Variants in NFS1 observed in about 807,000 individuals in gnomAD.
NFS1 encodes NFS1 cysteine desulfurase, also known as cysteine desulfurase.
Under a neutral mutation model 57.3 loss-of-function variants are expected in NFS1, and 26 were observed. The ratio of observed to expected loss-of-function variants is 0.45; its 90% CI spans 0.33 to 0.63. NFS1 has a LOEUF of 0.63. NFS1 is among the 20% of genes least tolerant of loss of function. The pLI is 0.02. For synonymous variants in NFS1, 209 were observed against 216.3 expected (o/e 0.97, Z 0.30); for missense variants, 505 against 605.8 (o/e 0.83, Z 1.75).
chr20:35,692,042 C>G (rs1481876765), intron 4 of NFS1, among the ~76,000 whole-genome samples: 1 of 151,758 alleles, frequency 6.6e-6, no homozygotes, highest in Non-Finnish European at 1.5e-5. Flanking sequence ...AAAAATTAGC[C>G]AGGCGTGGTA....
chr20:35,690,608 G>A lies in NFS1; in HGVS notation c.409-43C>T, dbSNP rs1431770690. The A allele has an allele frequency of 2.5e-6, 4 of 1,604,676 alleles. No homozygotes were observed. The Admixed American group carries it at 6.7e-5, about 27-fold the overall frequency. ...CAGATGGAAGGAGAACATACTCAGA[G>A]AGACAGCAATGACTTCAATCTCATT... On this transcript the variant is annotated intron_variant, in intron 4 of 12. Coordinates refer to ENST00000374092, the MANE Select transcript of NFS1 (RefSeq NM_021100.5).
intron 5 of NFS1, among the ~76,000 whole-genome samples, chr20:35,683,520 C>T (rs1443870266): frequency 1.4e-5 from 2 of 147,534 alleles, no homozygotes; most frequent in Non-Finnish European, 3.0e-5. Context: ...GTGGCTCACA[C>T]CTGTAATCCA....
intron 5 of NFS1, among the ~76,000 whole-genome samples, chr20:35,690,212 G>A (rs2035019260): frequency 1.3e-5 from 2 of 152,102 alleles, no homozygotes; most frequent in African/African-American, 4.8e-5. Context: ...AAAAGAAAAA[G>A]AAACAAGTCC....
rs2034610496 is a variant in NFS1 at position 35,669,076 on chromosome 20, A to C, written c.*546T>G. On this transcript the variant is annotated 3_prime_UTR_variant, in exon 13 of 13. Coordinates refer to ENST00000374092, the MANE Select transcript of NFS1 (RefSeq NM_021100.5). ...ACATATTTCTAGCTCCATTAGGTCA[A>C]AGGAAAGGAAAGAGGACAAGGGTAG... 6.6e-6 allele frequency: 1 copy of C among 152,260 alleles called. No individual in the cohort carries two copies. The highest frequency in any genetic ancestry group is 2.1e-4 in the South Asian group (1 of 4,838). 9.4% of individuals were successfully genotyped at this position (152,260 alleles called of 1,614,324 possible).
chr20:35,694,396 C>T (rs2035096116), intron 4 of NFS1, among the ~76,000 whole-genome samples: 1 of 152,104 alleles, frequency 6.6e-6, no homozygotes, highest in Non-Finnish European at 1.5e-5. Context: ...CTGCCGGTCT[C>T]AGCCTCCCAA....
At chr20:35,683,790 C>CAAAAA (rs151037025) in intron 5 of NFS1, among the ~76,000 whole-genome samples, 15 of 53,824 alleles carry the variant, frequency 2.8e-4, no homozygotes, top group South Asian at 6.7e-4. Flanking sequence ...GACTCCATCT[C>CAAAAA]AAAAAAAAAA....
At position 35,691,047 on chromosome 20, in the gene NFS1, T is replaced by G. The variant is rs568845214; in HGVS notation, c.409-482A>C. Reference sequence around the variant, plus strand: ...GGATGCTAATAATGGCAGAAGGCTGTGCATACCTGGGGGCAGGGCATATAT... The same window carrying G: ...GGATGCTAATAATGGCAGAAGGCTGGGCATACCTGGGGGCAGGGCATATAT... On this transcript the variant is annotated intron_variant, in intron 4 of 12. Coordinates refer to ENST00000374092, the MANE Select transcript of NFS1 (RefSeq NM_021100.5). Among the ~76,000 whole-genome samples the G allele has an allele frequency of 2.0e-5, 3 of 152,294 alleles. No individual in the cohort carries two copies. The East Asian group carries it at 5.8e-4, about 29-fold the overall frequency.
At chr20:35,688,719 AAGAC>A (rs966076369) in intron 5 of NFS1, among the ~76,000 whole-genome samples, 7 of 151,496 alleles carry the variant, frequency 4.6e-5, no homozygotes, top group African/African-American at 1.7e-4. Flanking sequence ...CAAAAAAAGA[AAGAC>A]AGAGGGAGAG....
At chr20:35,669,769 T>C (rs1364689522) in intron 12 of NFS1, 84 bp from the exon 13 acceptor site, 2 of 1,249,496 alleles carry the variant, frequency 1.6e-6, no homozygotes, top group Admixed American at 3.4e-5. Context: ...AGCAATGGCT[T>C]GCCTCCTTCT....
chr20:35,672,752 T>C lies in NFS1; in HGVS notation c.1310+3A>G, dbSNP rs1298367812. On this transcript the variant is annotated splice_donor_region_variant and intron_variant, in intron 12 of 12. Coordinates refer to ENST00000374092, the MANE Select transcript of NFS1 (RefSeq NM_021100.5). Reference sequence around the variant, plus strand: ...CAAAGCGTCTCTGATACAATATGTATACCTCATTTCTCGAAGACGCTTCAC... The same window carrying C: ...CAAAGCGTCTCTGATACAATATGTACACCTCATTTCTCGAAGACGCTTCAC... The C allele has an allele frequency of 6.3e-7, 1 of 1,587,614 alleles. No individual in the cohort carries two copies. The highest frequency in any genetic ancestry group is 2.2e-5 in the East Asian group (1 of 44,752).
At chr20:35,671,994 T>C (rs562301150) in intron 12 of NFS1, among the ~76,000 whole-genome samples, 1 of 152,164 alleles carries the variant, frequency 6.6e-6, no homozygotes, top group Non-Finnish European at 1.5e-5. Flanking sequence ...AGTCTCACTC[T>C]GTCACCCAGG....
intron 3 of NFS1, 67 bp from the exon 4 acceptor site, chr20:35,696,527 G>A: frequency 1.6e-6 from 2 of 1,232,868 alleles, no homozygotes; most frequent in Non-Finnish European, 2.4e-6. Context: ...GCAGACACAG[G>A]TGGGACAGCC....
chr20:35,681,315 G>A (rs879606799), intron 6 of NFS1, among the ~76,000 whole-genome samples: 12 of 152,110 alleles, frequency 7.9e-5, no homozygotes, highest in Non-Finnish European at 1.2e-4. Flanking sequence ...GGGGAGAATA[G>A]AGATGTTCTA....
chr20:35,692,454 C>G (rs2035060186), intron 4 of NFS1: 1 of 142,970 alleles, frequency 7.0e-6, no homozygotes, highest in Non-Finnish European at 1.5e-5. Context: ...AATCCCACCA[C>G]TTTGGGAGAC....
rs190492301 is a variant in NFS1, at chr20:35,669,031, A to T, written c.*591T>A. 1 of 152,338 alleles carries T rather than the reference A, an allele frequency of 6.6e-6. No individual in the cohort carries two copies. The highest frequency in any genetic ancestry group is 1.9e-4 in the East Asian group (1 of 5,192). 9.4% of individuals were successfully genotyped at this position (152,338 alleles called of 1,614,324 possible). On this transcript the variant is annotated 3_prime_UTR_variant, in exon 13 of 13. Coordinates refer to ENST00000374092, the MANE Select transcript of NFS1 (RefSeq NM_021100.5). ...AATTTTCAAGAAAACAAATTATTAGAATAACTGGTGGAGTCACAGACATAT... is the reference window on the plus strand; with the variant it reads ...AATTTTCAAGAAAACAAATTATTAGTATAACTGGTGGAGTCACAGACATAT...
At chr20:35,697,829 T>C in intron 2 of NFS1, 29 bp from the exon 3 acceptor site, 1 of 1,509,104 alleles carries the variant, frequency 6.6e-7, no homozygotes, top group Non-Finnish European at 9.1e-7. Flanking sequence ...ATCATTTTCC[T>C]TGAGCGCATC....
Position 35,674,075 on chromosome 20 carries a change from G to A in NFS1, c.1136+275C>T, listed in dbSNP as rs548509478. 9.3e-4 allele frequency: 450 copies of A among 484,780 alleles called. 3 individuals carry two copies. The highest frequency in any genetic ancestry group is 1.2e-3 in the Non-Finnish European group (312 of 267,050). The allele number at this position is 484,780 out of a possible 1,614,324, so 30.0% of individuals were successfully genotyped here. A position where few individuals can be genotyped will look rare whatever the true frequency, so the allele number is the denominator to read the frequency against. The stretch of plus-strand genomic sequence containing the variant: ...GGAGCATCTTCAATTCTAGAGGCCT[G>A]TAACAGAACTGCTAGTGTAACCCAC... On this transcript the variant is annotated intron_variant, in intron 10 of 12. Coordinates refer to ENST00000374092, the MANE Select transcript of NFS1 (RefSeq NM_021100.5).
chr20:35,675,219 G>A lies in NFS1; in HGVS notation c.791-17C>T, dbSNP rs752058557. 1.9e-6 allele frequency: 3 copies of A among 1,573,188 alleles called. No homozygotes were observed. Among genetic ancestry groups the A allele is most frequent in the South Asian group, 2.3e-5 (2 of 86,988 alleles). ...CACCAACCCCTGGGAAACAAAATTTGTTACAAAAAACAGAAAGAGAGAAAA... is the reference window on the plus strand; with the variant it reads ...CACCAACCCCTGGGAAACAAAATTTATTACAAAAAACAGAAAGAGAGAAAA... On this transcript the variant is annotated splice_polypyrimidine_tract_variant and intron_variant, in intron 7 of 12. Coordinates refer to ENST00000374092, the MANE Select transcript of NFS1 (RefSeq NM_021100.5).
intron 2 of NFS1, 132 bp downstream of exon 2, chr20:35,698,349 G>A: frequency 1.4e-6 from 1 of 700,370 alleles, no homozygotes; most frequent in Non-Finnish European, 2.4e-6. Flanking sequence ...TAAGCCTCCC[G>A]ACTCCTCGCT....
Sources: gnomAD v4.1 joint callset for allele counts (sites outside exome capture counted in the v4.1 genomes callset) on GRCh38, gnomAD v4.1.1 for gene constraint, MANE v1.5 for transcripts, NCBI Gene and HGNC (gene_info 2026-07-23, HGNC 2026-07-21) for gene names.